Variants in CNTNAP3 observed in about 807,000 individuals in gnomAD.
CNTNAP3 encodes the protein contactin-associated protein-like 3.
In CNTNAP3, 36 loss-of-function variants were observed where a neutral mutation model predicts 92.1. That is an observed-to-expected ratio of 0.39 (90% CI 0.30 to 0.52). The LOEUF is 0.52. Ranked by LOEUF, CNTNAP3 falls within the 20% of genes least tolerant of loss-of-function variation. The probability of loss-of-function intolerance (pLI) is 0.76; values close to 1 mark genes in which losing one functional copy is unlikely to be tolerated. For synonymous variants in CNTNAP3, 232 were observed against 422.3 expected (o/e 0.55, Z 5.53); for missense variants, 534 against 1,069.6 (o/e 0.50, Z 6.98).
chr9:39,139,232 T>C (rs1341134335), intron 12 of CNTNAP3, among the ~76,000 whole-genome samples: 1 of 152,132 alleles, frequency 6.6e-6, no homozygotes, highest in Admixed American at 6.5e-5. Context: ...AGCCTTGGTT[T>C]CCTCATCTTA....
intron 18 of CNTNAP3, among the ~76,000 whole-genome samples, chr9:39,092,257 TTTTA>T (rs1176988370): frequency 1.4e-5 from 2 of 145,784 alleles, no homozygotes; most frequent in Admixed American, 1.4e-4. Context: ...ATTTCTCCTG[TTTTA>T]TTTATTATTT....
At chr9:39,118,288 T>A (rs574683172) in intron 13 of CNTNAP3, 29 bp from the exon 14 acceptor site, 2 of 1,612,974 alleles carry the variant, frequency 1.2e-6, no homozygotes, top group Middle Eastern at 3.5e-4. Flanking sequence ...AAACATGACA[T>A]CTACTTTGTC....
intron 11 of CNTNAP3, among the ~76,000 whole-genome samples, chr9:39,141,643 T>A (rs2118096356): frequency 6.6e-6 from 1 of 152,316 alleles, no homozygotes; most frequent in South Asian, 2.1e-4. Flanking sequence ...ATTGCTAATC[T>A]TTATTTTTTT....
At position 39,152,024 on chromosome 9, in the gene CNTNAP3, TG is replaced by T. The variant is rs1821854519; in HGVS notation, c.1478-2048del. On this transcript the variant is annotated intron_variant, in intron 9 of 23. Coordinates refer to ENST00000297668, the MANE Select transcript of CNTNAP3 (RefSeq NM_033655.5). ...GTTTTCTTTACAGTGTTCACTAAAA[TG>T]AAAAAAATGAAGTATAGAATTTGTA... Among the ~76,000 whole-genome samples the T allele has an allele frequency of 1.0e-4, 15 of 144,964 alleles. No homozygotes were observed. The South Asian group carries it at 3.4e-3, about 32-fold the overall frequency.
chr9:39,119,071 C>T lies in CNTNAP3; in HGVS notation c.2081-812G>A, dbSNP rs187628859. On this transcript the variant is annotated intron_variant, in intron 13 of 23. Transcript: ENST00000297668. ...GATAATTTAAAAAGCAGGTGTCAGGCCACCTATCTTAAAAAAGGAAGGGGG... is the reference window on the plus strand; with the variant it reads ...GATAATTTAAAAAGCAGGTGTCAGGTCACCTATCTTAAAAAAGGAAGGGGG... Among the ~76,000 whole-genome samples, 371 of 152,136 alleles carry T rather than the reference C, an allele frequency of 2.4e-3. 3 individuals are homozygous for T. The highest frequency in any genetic ancestry group is 8.4e-3 in the African/African-American group (350 of 41,506).
chr9:39,123,440 G>A (rs936837361), intron 13 of CNTNAP3, among the ~76,000 whole-genome samples: 3 of 151,926 alleles, frequency 2.0e-5, no homozygotes, highest in Admixed American at 6.6e-5. Flanking sequence ...ACCCATAATC[G>A]GAATACCAGA....
At chr9:39,086,489 A>C in intron 20 of CNTNAP3, 1 of 616,060 alleles carries the variant, frequency 1.6e-6, no homozygotes, top group Non-Finnish European at 2.6e-6. Flanking sequence ...AATATTAATA[A>C]TACCTTTGAC....
rs1487176489 is a variant in CNTNAP3, at chr9:39,069,827, G to C, written c.*4063C>G. Among the ~76,000 whole-genome samples, 9,571 of 119,126 alleles carry C rather than the reference G, an allele frequency of 0.08. No homozygotes were observed. The highest frequency in any genetic ancestry group is 0.22 in the East Asian group (809 of 3,760). 78.2% of individuals were successfully genotyped at this position (119,126 alleles called of 152,430 possible). A position where few individuals can be genotyped will look rare whatever the true frequency, so the allele number is the denominator to read the frequency against. On this transcript the variant is annotated 3_prime_UTR_variant, in exon 24 of 24. Transcript: ENST00000297668. The stretch of plus-strand genomic sequence containing the variant: ...ATCCATTGGGAGTGATGTGAAGGAA[G>C]AGAAAAGCGTTGGACTCTATGATAT...
At chr9:39,110,436 C>T (rs548494278) in intron 14 of CNTNAP3, among the ~76,000 whole-genome samples, 8 of 152,192 alleles carry the variant, frequency 5.3e-5, no homozygotes, top group Non-Finnish European at 7.4e-5. Flanking sequence ...ACACACTCAG[C>T]GCTCACCTTT....
chr9:39,148,045 G>C (rs1358140162), intron 10 of CNTNAP3, among the ~76,000 whole-genome samples: 1 of 152,086 alleles, frequency 6.6e-6, no homozygotes, highest in Non-Finnish European at 1.5e-5. Flanking sequence ...AGAGAGAGCT[G>C]AGCTCCCTGG....
At position 39,114,035 on chromosome 9, in the gene CNTNAP3, T is replaced by TACACAC. The variant is rs767827479; in HGVS notation, c.2237+4062_2237+4067dup. The stretch of plus-strand genomic sequence containing the variant: ...ACACACATATATATACACACATATA[T>TACACAC]ACACACACACACACACACACATATA... On this transcript the variant is annotated intron_variant, in intron 14 of 23. Transcript: ENST00000297668. Among the ~76,000 whole-genome samples, 149 of 141,536 alleles carry TACACAC rather than the reference T, an allele frequency of 1.1e-3. 1 individual carries two copies. The highest frequency in any genetic ancestry group is 4.3e-3 in the South Asian group (19 of 4,372). The allele number at this position is 141,536 out of a possible 152,430, so 92.9% of individuals were successfully genotyped here. A position where few individuals can be genotyped will look rare whatever the true frequency, so the allele number is the denominator to read the frequency against.
chr9:39,179,109 A>G (rs1758540), intron 4 of CNTNAP3, among the ~76,000 whole-genome samples: 2 of 110,672 alleles, frequency 1.8e-5, no homozygotes, highest in Admixed American at 9.5e-5. Flanking sequence ...AACGTGGGTG[A>G]GCCTCATCCA....
chr9:39,149,950 C>T lies in CNTNAP3; in HGVS notation c.1505G>A (p.Gly502Glu). The change falls in exon 10 of 24, where the codon GGA becomes GAA. Residue 502 changes from glycine to glutamate, a missense_variant. Coordinates refer to ENST00000297668, the MANE Select transcript of CNTNAP3 (RefSeq NM_033655.5). ...AAACCCTCCCAGGGGGCTTTTACAT[C>T]CAGAGCCAGAGCTGTTGTCCAGGCA... The part of the protein sequence containing the change: ...GGCLDNSSGS[G>E]CKSPLGGFQG... 1.2e-6 allele frequency: 2 copies of T among 1,611,836 alleles called. No individual in the cohort carries two copies. The highest frequency in any genetic ancestry group is 1.7e-6 in the Non-Finnish European group (2 of 1,179,784).
At chr9:39,114,426 T>C (rs1820804941) in intron 14 of CNTNAP3, among the ~76,000 whole-genome samples, 1 of 152,060 alleles carries the variant, frequency 6.6e-6, no homozygotes, top group South Asian at 2.1e-4. Flanking sequence ...TACACACAAG[T>C]GTAGTGAGAT....
intron 12 of CNTNAP3, among the ~76,000 whole-genome samples, chr9:39,137,750 G>A (rs1431734921): frequency 6.6e-6 from 1 of 152,120 alleles, no homozygotes; most frequent in African/African-American, 2.4e-5. Flanking sequence ...TCCTGACCTC[G>A]TGATCCACCT....
chr9:39,118,644 T>A (rs1311011392), intron 13 of CNTNAP3, among the ~76,000 whole-genome samples: 1 of 152,220 alleles, frequency 6.6e-6, no homozygotes, highest in Non-Finnish European at 1.5e-5. Context: ...AAGTTTAATA[T>A]TATACAAAGA....
At chr9:39,078,621 CT>C in intron 22 of CNTNAP3, 68 bp downstream of exon 22, 1 of 1,549,390 alleles carries the variant, frequency 6.5e-7, no homozygotes, top group African/African-American at 1.4e-5. Flanking sequence ...GAAAAGAAGG[CT>C]TTTGAGAAAT....
intron 14 of CNTNAP3, among the ~76,000 whole-genome samples, chr9:39,115,539 G>A (rs1177644517): frequency 7.7e-6 from 1 of 129,164 alleles, no homozygotes; most frequent in East Asian, 2.2e-4. Flanking sequence ...GTTGGGATAG[G>A]ATTTCAGAAT....
intron 14 of CNTNAP3, among the ~76,000 whole-genome samples, chr9:39,115,355 C>G (rs1260746251): frequency 1.3e-5 from 2 of 151,972 alleles, no homozygotes; most frequent in Non-Finnish European, 2.9e-5. Flanking sequence ...GTTCTTATGT[C>G]TACACCTTAA....
Sources: allele counts gnomAD v4.1 joint callset (sites outside exome capture counted in the v4.1 genomes callset), GRCh38; gene constraint gnomAD v4.1.1; transcripts MANE v1.5; gene names NCBI Gene and HGNC (gene_info 2026-07-23, HGNC 2026-07-21).